The following ARRDC2 variants were observed in gnomAD, a reference collection of about 807,000 sequenced individuals.
ARRDC2 encodes arrestin domain-containing protein 2.
Under a neutral mutation model 38.9 loss-of-function variants are expected in ARRDC2, and 39 were observed. That is an observed-to-expected ratio of 1.00 (90% CI 0.78 to 1.31). The LOEUF is 1.31. ARRDC2 is among the 50% of genes most tolerant of loss of function. The pLI, the probability that ARRDC2 is intolerant of heterozygous loss-of-function variation, is 0.00. For synonymous variants in ARRDC2, 300 were observed against 261.9 expected (o/e 1.15, Z -1.41); for missense variants, 553 against 588.4 (o/e 0.94, Z 0.62).
In ARRDC2 at chr19:18,009,870, T is replaced by G. The variant is rs904046049; in HGVS notation, c.680T>G (p.Phe227Cys). The G allele has an allele frequency of 8.1e-6, 13 of 1,611,576 alleles. No individual in the cohort carries two copies. Among genetic ancestry groups the G allele is most frequent in the African/African-American group, 2.7e-5 (2 of 74,920 alleles). Residue 227 changes from phenylalanine to cysteine, a missense_variant, in exon 5 of 8, where the codon TTC (phenylalanine) becomes TGC (cysteine). Phe to Cys is a radical substitution (Grantham distance 205, BLOSUM62 -2). Around this residue, in one of 3 missense-constraint regions of ARRDC2, gnomAD observed 447 missense variants for 456.6 expected, o/e 0.98. Coordinates refer to ENST00000222250, the MANE Select transcript of ARRDC2 (RefSeq NM_015683.2). ...PRAAVVQTQT[F>C]MARGARKQKR... is the part of the protein sequence containing the mutation. ...GCAGCCGTGGTGCAGACACAGACGTTCATGGCCCGAGGCGCCCGAAAGCAG... is the reference window on the plus strand; with the variant it reads ...GCAGCCGTGGTGCAGACACAGACGTGCATGGCCCGAGGCGCCCGAAAGCAG...
At chr19:18,009,274 G>C (rs1464411233) in intron 3 of ARRDC2, 156 bp downstream of exon 3, 1 of 879,254 alleles carries the variant, frequency 1.1e-6, no homozygotes, top group Non-Finnish European at 1.7e-6. Flanking sequence ...ACTGGGATCT[G>C]CACCCATTTG....
At chr19:18,010,840 G>GCAAGACCCT in intron 7 of ARRDC2, 111 bp downstream of exon 7, 1 of 1,197,526 alleles carries the variant, frequency 8.4e-7, no homozygotes, top group Non-Finnish European at 1.2e-6. Context: ...TTTTAGACAG[G>GCAAGACCCT]GTCTTGCTCT....
upstream of ARRDC2, among the ~76,000 whole-genome samples, chr19:18,004,324 T>A (rs2033232157): frequency 1.4e-5 from 2 of 147,050 alleles, no homozygotes; most frequent in East Asian, 2.2e-4. Flanking sequence ...CTCGCCTCAC[T>A]GCAACCTCCA....
rs2033442220 is a variant in ARRDC2, at chr19:18,012,927, A to C, written c.1185A>C (p.Pro395=). ...ATTTCTCTTAGGAGGATCCAAACCC[A>C]CTCTTGGGGGACATGAGGCCGCGCT... ...PPLYSEEDPN[P]LLGDMRPRCM... The change falls in exon 8 of 8, where the codon CCA becomes CCC. Residue 395 remains proline, a synonymous_variant. Transcript: ENST00000222250. The C allele has an allele frequency of 3.1e-6, 5 of 1,613,324 alleles. No individual in the cohort carries two copies. Among genetic ancestry groups the C allele is most frequent in the South Asian group, 1.1e-5 (1 of 90,998 alleles).
At chr19:18,012,268 T>A (rs1257531130) in intron 7 of ARRDC2, among the ~76,000 whole-genome samples, 1 of 151,632 alleles carries the variant, frequency 6.6e-6, no homozygotes, top group Non-Finnish European at 1.5e-5. Context: ...CATAAAGTAT[T>A]ATAGGTAATC....
chr19:18,005,505 G>A (rs1377036260), upstream of ARRDC2, among the ~76,000 whole-genome samples: 1 of 152,074 alleles, frequency 6.6e-6, no homozygotes, highest in African/African-American at 2.4e-5. Flanking sequence ...GAGCTGTTGG[G>A]TACACCTCCC....
chr19:18,013,044 A>G lies in ARRDC2; in HGVS notation c.*78A>G. ...ATGACTGTGGGGAGTGGCTGGACCA[A>G]GGGCTGACCTCCCCGACTGCATCAA... On this transcript the variant is annotated 3_prime_UTR_variant, in exon 8 of 8. Transcript: ENST00000222250. 1 of 1,480,276 alleles carries G rather than the reference A, an allele frequency of 6.8e-7. No homozygotes were observed. Among genetic ancestry groups the G allele is most frequent in the Non-Finnish European group, 9.3e-7 (1 of 1,069,692 alleles). The allele number at this position is 1,480,276 out of a possible 1,614,324, so 91.7% of individuals were successfully genotyped here.
intron 1 of ARRDC2, 43 bp downstream of exon 1, chr19:18,008,627 C>CCCA: frequency 6.3e-7 from 1 of 1,599,706 alleles, no homozygotes; most frequent in Non-Finnish European, 8.5e-7. Context: ...TTGTGTGCCT[C>CCCA]CCACCACCTG....
chr19:18,006,351 T>G (rs998224607), upstream of ARRDC2, among the ~76,000 whole-genome samples: 32 of 152,022 alleles, frequency 2.1e-4, no homozygotes, highest in Non-Finnish European at 4.1e-4. Flanking sequence ...AGCACTGAGT[T>G]AACGAGACTC....
chr19:18,010,819 T>C, intron 7 of ARRDC2, 90 bp downstream of exon 7: 7 of 1,388,566 alleles, frequency 5.0e-6, no homozygotes, highest in Non-Finnish European at 4.9e-6. Context: ...GTTTTTTTTG[T>C]TTTTTTGTTT....
chr19:18,003,863 T>C (rs1309552150), upstream of ARRDC2, among the ~76,000 whole-genome samples: 2 of 151,800 alleles, frequency 1.3e-5, no homozygotes, highest in East Asian at 3.9e-4. Flanking sequence ...ATGGTCTCGA[T>C]CTCCTGACCT....
chr19:18,010,495 A>G, intron 6 of ARRDC2, 77 bp from the exon 7 acceptor site: 1 of 1,563,408 alleles, frequency 6.4e-7, no homozygotes, highest in Non-Finnish European at 8.7e-7. Flanking sequence ...AGCTGGCACA[A>G]GCCAGCTCCT....
upstream of ARRDC2, among the ~76,000 whole-genome samples, chr19:18,006,578 A>C (rs977515917): frequency 6.6e-6 from 1 of 152,222 alleles, no homozygotes; most frequent in Non-Finnish European, 1.5e-5. Context: ...AGCACAGTCC[A>C]GCTTCTGCTC....
In ARRDC2 at chr19:18,009,980, C is replaced by T. The variant is rs1260688515; in HGVS notation, c.790C>T (p.Pro264Ser). 1 of 1,602,862 alleles carries T rather than the reference C, an allele frequency of 6.2e-7. No homozygotes were observed. Among genetic ancestry groups the T allele is most frequent in the Non-Finnish European group, 8.5e-7 (1 of 1,179,702 alleles). ...ALWQGRALRI[P>S]PVGPSILHCR... ...GTGGCAGGGCCGGGCACTGCGGATC[C>T]CCCCAGTGGGTCCTTCCATCCTGCA... Residue 264 changes from proline (P) to serine (S), a missense_variant, in exon 5 of 8, where the codon CCC becomes TCC. Around this residue, in one of 3 missense-constraint regions of ARRDC2, gnomAD observed 447 missense variants for 456.6 expected, o/e 0.98. Transcript: ENST00000222250.
chr19:18,009,464 C>T, intron 3 of ARRDC2, 128 bp from the exon 4 acceptor site: 1 of 830,492 alleles, frequency 1.2e-6, no homozygotes, highest in Non-Finnish European at 1.9e-6. Context: ...CGGATAGTTC[C>T]TGGATTGTTA....
In ARRDC2 at chr19:18,008,460, C is replaced by G. The variant is rs1470405654; in HGVS notation, c.150C>G (p.Arg50=). The G allele has an allele frequency of 6.5e-7, 1 of 1,530,912 alleles. No homozygotes were observed. The highest frequency in any genetic ancestry group is 2.4e-5 in the East Asian group (1 of 41,080). The allele number at this position is 1,530,912 out of a possible 1,614,324, so 94.8% of individuals were successfully genotyped here. The change falls in exon 1 of 8, where the codon CGC becomes CGG. Residue 50 remains arginine (R), a synonymous_variant. Coordinates refer to ENST00000222250, the MANE Select transcript of ARRDC2 (RefSeq NM_015683.2). ...CGCGTGTGGGTGCCCTGAGGCTGCG[C>G]GCGCGGGGCCGCGCCCACGTGCACT... ...SAARVGALRL[R]ARGRAHVHWT...
At position 18,008,334 on chromosome 19, in the gene ARRDC2, G is replaced by T; in HGVS notation, c.24G>T (p.Ala8=). 1.3e-6 allele frequency: 2 copies of T among 1,597,044 alleles called. No homozygotes were observed. Among genetic ancestry groups the T allele is most frequent in the Non-Finnish European group, 1.7e-6 (2 of 1,179,002 alleles). Residue 8 remains alanine (A), a synonymous_variant, in exon 1 of 8, where the codon GCG becomes GCT. Coordinates refer to ENST00000222250, the MANE Select transcript of ARRDC2 (RefSeq NM_015683.2). ...CGATGCTATTCGACAAGGTGAAAGC[G>T]TTCTCGGTGCAGTTGGACGGCGCGA... is the stretch of plus-strand genomic sequence containing the variant. The part of the protein sequence containing the change: MLFDKVK[A]FSVQLDGATA...
At chr19:18,008,138 C>CCCCG, upstream of ARRDC2, 25 of 1,338,916 alleles carry the variant, frequency 1.9e-5, no homozygotes, top group Non-Finnish European at 2.3e-5. Flanking sequence ...CCCGCCCTGC[C>CCCCG]GTATAAAAGC....
In ARRDC2 at chr19:18,009,822, C is replaced by T; in HGVS notation, c.632C>T (p.Ser211Phe). 6.2e-7 allele frequency: 1 copy of T among 1,612,598 alleles called. No homozygotes were observed. Among genetic ancestry groups the T allele is most frequent in the Non-Finnish European group, 8.5e-7 (1 of 1,179,898 alleles). Residue 211 changes from serine (S) to phenylalanine (F), a missense_variant, in exon 5 of 8, where the codon TCC becomes TTC. Physicochemically the swap from Ser to Phe is radical, Grantham distance 155. Around this residue, in one of 3 missense-constraint regions of ARRDC2, gnomAD observed 447 missense variants for 456.6 expected, o/e 0.98. Coordinates refer to ENST00000222250, the MANE Select transcript of ARRDC2 (RefSeq NM_015683.2). ...GTCTTTGCCGAGATCGACAACGGCTCCACACGTCCTGTGCTGCCTCGGGCA... is the reference window on the plus strand; with the variant it reads ...GTCTTTGCCGAGATCGACAACGGCTTCACACGTCCTGTGCTGCCTCGGGCA... The part of the protein sequence containing the change: ...IPVFAEIDNG[S>F]TRPVLPRAAV...
Sources: gnomAD v4.1 joint callset for allele counts (sites outside exome capture counted in the v4.1 genomes callset) on GRCh38, gnomAD v4.1.1 for gene constraint, gnomAD v4.1.1 regional missense constraint, MANE v1.5 for transcripts, NCBI Gene and HGNC (gene_info 2026-07-23, HGNC 2026-07-21) for gene names.